The following TLE2 variants were observed in gnomAD, a reference collection of about 807,000 sequenced individuals.
The protein encoded by TLE2 is TLE family member 2, transcriptional corepressor.
TLE2 carries 74 observed loss-of-function variants against 97.2 expected under a neutral mutation model. The ratio of observed to expected loss-of-function variants is 0.76; its 90% CI spans 0.63 to 0.92. TLE2 has a LOEUF of 0.92. TLE2 is among the 40% of genes least tolerant of loss of function. TLE2 has a pLI of 0.00. For missense variants in TLE2, 1,038 were observed against 1,008.7 expected (o/e 1.03, Z -0.39); for synonymous variants, 499 against 432.1 (o/e 1.15, Z -1.92).
chr19:3,015,928 T>C (rs1403872329), intron 8 of TLE2, 168 bp from the exon 9 acceptor site: 2 of 696,716 alleles, frequency 2.9e-6, no homozygotes, highest in Admixed American at 4.0e-5. Context: ...GCTAAGGTTT[T>C]GTTCTCTCTT....
chr19:3,014,706 G>C, intron 9 of TLE2, 92 bp from the exon 10 acceptor site: 1 of 1,251,042 alleles, frequency 8.0e-7, no homozygotes. Flanking sequence ...CATGAGCCCA[G>C]CCAGCCCTGG....
At chr19:3,020,359 A>G (rs1004423868) in intron 5 of TLE2, 2 of 152,448 alleles carry the variant, frequency 1.3e-5, no homozygotes, top group Admixed American at 6.5e-5. Context: ...GGAGCCGAGC[A>G]GCATCCCTGG....
upstream of TLE2, among the ~76,000 whole-genome samples, chr19:3,046,519 T>TG (rs1213139953): frequency 2.0e-5 from 3 of 152,086 alleles, no homozygotes; most frequent in African/African-American, 7.2e-5. Flanking sequence ...GGGGTGCAGA[T>TG]GGGGGGAAAT....
intron 12 of TLE2, among the ~76,000 whole-genome samples, 185 bp from the exon 13 acceptor site, chr19:3,009,887 C>CTCTTT (rs764492373): frequency 2.0e-5 from 3 of 148,392 alleles, no homozygotes; most frequent in African/African-American, 5.0e-5. Context: ...TTCTCTCTCT[C>CTCTTT]TTTTTTTCTT....
intron 14 of TLE2, among the ~76,000 whole-genome samples, chr19:3,007,953 G>C (rs972002650): frequency 6.6e-6 from 1 of 152,034 alleles, no homozygotes; most frequent in African/African-American, 2.4e-5. Context: ...GCGGTGGTCC[G>C]TGCCTGTAAT....
chr19:3,009,818 G>A (rs1374502018), intron 12 of TLE2, 116 bp from the exon 13 acceptor site: 55 of 1,329,132 alleles, frequency 4.1e-5, no homozygotes, highest in Non-Finnish European at 5.3e-5. Flanking sequence ...GTTCCACATT[G>A]GCCATAGCCT....
At position 3,002,444 on chromosome 19, in the gene TLE2, G is replaced by A. The variant is rs1391133439; in HGVS notation, c.1956C>T (p.Ser652=). 35 of 1,610,992 alleles carry A rather than the reference G, an allele frequency of 2.2e-5. No individual in the cohort carries two copies. The highest frequency in any genetic ancestry group is 3.0e-5 in the Non-Finnish European group (35 of 1,178,772). The part of the protein sequence containing the change: ...QDWLAVGMES[S]NVEILHVRKP... Reference sequence around the variant, plus strand: ...TGCGGACGTGCAGGATCTCCACGTTGCTACTCTCCATTCCGACCGCCAGCC... The same window carrying A: ...TGCGGACGTGCAGGATCTCCACGTTACTACTCTCCATTCCGACCGCCAGCC... Residue 652 remains serine, a synonymous_variant, in exon 18 of 20, where the codon AGC becomes AGT. Coordinates refer to ENST00000262953, the MANE Select transcript of TLE2 (RefSeq NM_003260.5).
intron 17 of TLE2, among the ~76,000 whole-genome samples, chr19:3,003,134 T>C (rs1455033137): frequency 6.6e-6 from 1 of 152,184 alleles, no homozygotes; most frequent in Non-Finnish European, 1.5e-5. Flanking sequence ...GACAACTGCA[T>C]GTCGAATCAT....
chr19:3,038,591 C>T (rs891630482), intron 1 of TLE2, among the ~76,000 whole-genome samples: 1 of 152,214 alleles, frequency 6.6e-6, no homozygotes, highest in Non-Finnish European at 1.5e-5. Flanking sequence ...TCCATTGCAC[C>T]CACATCCTTG....
Position 3,029,277 on chromosome 19 carries a change from C to T in TLE2, c.-373G>A. The T allele has an allele frequency of 4.7e-6, 1 of 213,248 alleles. No individual in the cohort carries two copies. The highest frequency in any genetic ancestry group is 7.7e-6 in the Non-Finnish European group (1 of 129,064). The allele number at this position is 213,248 out of a possible 1,614,324, so 13.2% of individuals were successfully genotyped here. ...GGAGCCGCCTCCCTCCGGCGGGGCT[C>T]GGCCGGGAGCCGCGGGCTGAGCCGC... On this transcript the variant is annotated 5_prime_UTR_variant, in exon 1 of 20. Coordinates refer to ENST00000262953, the MANE Select transcript of TLE2 (RefSeq NM_003260.5).
At chr19:3,029,282 G>A (rs1041315340), upstream of TLE2, 10 of 210,138 alleles carry the variant, frequency 4.8e-5, no homozygotes, top group Non-Finnish European at 6.4e-5. Context: ...GGGCTCGGCC[G>A]GGAGCCGCGG....
intron 1 of TLE2, among the ~76,000 whole-genome samples, chr19:3,045,161 C>G (rs2090132763): frequency 6.6e-6 from 1 of 152,192 alleles, no homozygotes; most frequent in African/African-American, 2.4e-5. Flanking sequence ...CTGCAGTGAG[C>G]TATGATAGCG....
upstream of TLE2, among the ~76,000 whole-genome samples, chr19:3,030,963 A>C (rs2090019461): frequency 6.6e-6 from 1 of 151,406 alleles, no homozygotes; most frequent in African/African-American, 2.4e-5. Context: ...AAAAAAAAAA[A>C]AAAAGCCCTT....
rs2089460410 is a variant in TLE2 at position 3,005,746 on chromosome 19, C to T, written c.1723G>A (p.Asp575Asn). Residue 575 changes from aspartate (D) to asparagine (N), a missense_variant, in exon 16 of 20, where the codon GAC becomes AAC. Transcript: ENST00000262953. ...CTGACCATAGTCTGATTCTGCAGGTCCCAGACCACAATGTTGCCATCGCTG... is the reference window on the plus strand; with the variant it reads ...CTGACCATAGTCTGATTCTGCAGGTTCCAGACCACAATGTTGCCATCGCTG... Reference protein sequence around the residue: ...CCSDGNIVVWDLQNQTMVRQF... With the variant: ...CCSDGNIVVWNLQNQTMVRQF... 6.2e-7 allele frequency: 1 copy of T among 1,613,746 alleles called. No homozygotes were observed. The highest frequency in any genetic ancestry group is 1.3e-5 in the African/African-American group (1 of 74,908).
intron 14 of TLE2, among the ~76,000 whole-genome samples, chr19:3,007,033 C>T (rs2089494202): frequency 6.6e-6 from 1 of 151,968 alleles, no homozygotes. Context: ...GATCTGCCCG[C>T]CTCGGCCTCC....
upstream of TLE2, among the ~76,000 whole-genome samples, chr19:3,046,275 C>T (rs1210555109): frequency 2.0e-5 from 3 of 152,218 alleles, no homozygotes; most frequent in African/African-American, 7.2e-5. Flanking sequence ...TTATTTTCTC[C>T]CCCAAGACTG....
In TLE2 at chr19:3,011,026, G is replaced by T; in HGVS notation, c.1008C>A (p.Ser336Arg). 6.2e-7 allele frequency: 1 copy of T among 1,604,678 alleles called. No individual in the cohort carries two copies. The highest frequency in any genetic ancestry group is 2.2e-5 in the East Asian group (1 of 44,570). ...LAAKPAPSTD[S>R]VALRSPLTLS... ...ACCAACAGGCAAGGTGCTCACCGAC[G>T]CTGTCCGTGGAAGGTGCTGGCTTGG... The change falls in exon 12 of 20, where the codon AGC (serine) becomes AGA (arginine). Residue 336 changes from serine (S) to arginine (R), a missense_variant. Transcript: ENST00000262953.
intron 4 of TLE2, among the ~76,000 whole-genome samples, chr19:3,027,560 C>T (rs73919260): frequency 0.037 from 5,559 of 152,294 alleles, 310 homozygotes; most frequent in African/African-American, 0.11. Context: ...GATGGGGATG[C>T]CTGGTGGCCC....
chr19:3,017,730 G>A, intron 8 of TLE2, 110 bp downstream of exon 8: 1 of 1,027,544 alleles, frequency 9.7e-7, no homozygotes, highest in East Asian at 2.7e-5. Context: ...GGGATCAAAG[G>A]CGTGAGCCAC....
Sources: allele counts gnomAD v4.1 joint callset (sites outside exome capture counted in the v4.1 genomes callset), GRCh38; gene constraint gnomAD v4.1.1; transcripts MANE v1.5; gene names NCBI Gene and HGNC (gene_info 2026-07-23, HGNC 2026-07-21).